L1CAM: variants seen among roughly 807,000 people sequenced by gnomAD.
L1CAM encodes L1 cell adhesion molecule, also known as neural cell adhesion molecule L1.
In L1CAM, 8 loss-of-function variants were observed where a neutral mutation model predicts 93.0. The observed-to-expected ratio is 0.09, with a 90% CI of 0.05 to 0.16. The LOEUF (loss-of-function observed/expected upper bound fraction) is 0.16, where lower values mean the gene tolerates loss of function less well. Ranked by LOEUF, L1CAM falls within the 10% of genes least tolerant of loss-of-function variation. The pLI, the probability that L1CAM is intolerant of heterozygous loss-of-function variation, is 1.00. For missense variants in L1CAM, 777 were observed against 1,073.4 expected (o/e 0.72, Z 3.86); for synonymous variants, 453 against 453.0 (o/e 1.00, Z 0.00).
At chrX:153,863,679 C>A in intron 26 of L1CAM, 130 bp from the exon 27 acceptor site, 3 of 824,845 alleles carry the variant, frequency 3.6e-6, no homozygotes, top group Non-Finnish European at 5.3e-6. Context: ...TGAAAGAAAC[C>A]GCTCACCCCC....
chrX:153,870,640 C>A, intron 7 of L1CAM, 141 bp from the exon 8 acceptor site: 1 of 791,164 alleles, frequency 1.3e-6, no homozygotes, highest in Non-Finnish European at 1.9e-6. Context: ...TCTCTGCTCT[C>A]GACGCCTGGG....
At chrX:153,876,954 G>A (rs889081965) in intron 1 of L1CAM, among the ~76,000 whole-genome samples, 16 of 110,711 alleles carry the variant, frequency 1.4e-4, no homozygotes, top group African/African-American at 1.3e-4. Flanking sequence ...AGCCAAGATC[G>A]TGCCACTGCC....
rs1557096335 is a variant in L1CAM, at chrX:153,883,993, G to T, written c.-109+2072C>A. The T allele has an allele frequency of 1.5e-5, 5 of 343,904 alleles. No homozygotes were observed. In the Middle Eastern group the frequency reaches 1.7e-3, roughly 120 times the overall value. The allele number at this position is 343,904 out of a possible 1,213,427, so 28.3% of individuals were successfully genotyped here. On this transcript the variant is annotated intron_variant, in intron 1 of 28. Coordinates refer to ENST00000370060, the MANE Select transcript of L1CAM (RefSeq NM_001278116.2). ...CAGCTGTAGTTCCAGTGGTGGAAAG[G>T]GCTCGGACCTGGGAGAGGCCGATTG...
chrX:153,883,681 C>T (rs1557096190), intron 1 of L1CAM: 3 of 316,444 alleles, frequency 9.5e-6, no homozygotes, highest in Non-Finnish European at 1.9e-5. Flanking sequence ...AGGCAGGGCC[C>T]CCACTCATGC....
chrX:153,868,278 C>T, intron 14 of L1CAM, 24 bp downstream of exon 14: 1 of 1,211,404 alleles, frequency 8.3e-7, no homozygotes, highest in Non-Finnish European at 1.1e-6. Flanking sequence ...CCACTCTGCC[C>T]CCTTTCACCG....
rs372309104 is a variant in L1CAM, at chrX:153,873,310, G to A, written c.77-68C>T. 1.6e-4 allele frequency: 171 copies of A among 1,068,454 alleles called. No homozygotes were observed. The African/African-American group carries it at 2.5e-3, about 16-fold the overall frequency. The allele number at this position is 1,068,454 out of a possible 1,213,427, so 88.1% of individuals were successfully genotyped here. On this transcript the variant is annotated intron_variant, in intron 2 of 28. Transcript: ENST00000370060. ...ATACTGACAGGCAGCCCCAGAGTGGGGCAGATGGCAGGGGACATAGTAAGC... is the reference window on the plus strand; with the variant it reads ...ATACTGACAGGCAGCCCCAGAGTGGAGCAGATGGCAGGGGACATAGTAAGC...
intron 2 of L1CAM, among the ~76,000 whole-genome samples, chrX:153,874,270 A>G (rs2064796773): frequency 8.8e-6 from 1 of 113,081 alleles, no homozygotes; most frequent in African/African-American, 3.2e-5. Flanking sequence ...TGGAGCTGCC[A>G]TGGCCTTTTG....
rs150098621 is a variant in L1CAM, at chrX:153,862,460, C to G, written c.*203G>C. The stretch of plus-strand genomic sequence containing the variant: ...CAAAGGCCCCTGGCATGTGGGAGAT[C>G]TGCCCAAGCTGGGGCAGAGCAGCGT... On this transcript the variant is annotated 3_prime_UTR_variant, in exon 29 of 29. Coordinates refer to ENST00000370060, the MANE Select transcript of L1CAM (RefSeq NM_001278116.2). 2,093 of 382,774 alleles carry G rather than the reference C, an allele frequency of 5.5e-3. 43 individuals carry two copies. The highest frequency in any genetic ancestry group is 0.046 in the African/African-American group (1,826 of 39,696). The allele number at this position is 382,774 out of a possible 1,213,427, so 31.5% of individuals were successfully genotyped here. A position where few individuals can be genotyped will look rare whatever the true frequency, so the allele number is the denominator to read the frequency against.
intron 5 of L1CAM, among the ~76,000 whole-genome samples, chrX:153,871,872 C>T (rs1217134900): frequency 2.9e-5 from 3 of 104,921 alleles, no homozygotes; most frequent in Non-Finnish European, 4.0e-5. Context: ...CCCCCCCCTC[C>T]CCCCGCCACC....
In L1CAM at chrX:153,865,719, G is replaced by A. The variant is rs2148494352; in HGVS notation, c.2532C>T (p.His844=). 8.3e-7 allele frequency: 1 copy of A among 1,204,638 alleles called. No homozygotes were observed. The highest frequency in any genetic ancestry group is 1.7e-5 in the African/African-American group (1 of 57,692). The change falls in exon 20 of 29, where the codon CAC becomes CAT. Residue 844 remains histidine, a synonymous_variant. Transcript: ENST00000370060. The part of the protein sequence containing the change: ...RPVDLAQVKG[H]LRGYNVTYWR... ...CAACCCTTACATTGTATCCGCGGAG[G>A]TGGCCCTTGACCTGGGCCAGGTCCA...
chrX:153,862,560 C>G lies in L1CAM; in HGVS notation c.*103G>C, dbSNP rs1249912630. The G allele has an allele frequency of 3.1e-6, 2 of 635,428 alleles. No homozygotes were observed. Among genetic ancestry groups the G allele is most frequent in the Non-Finnish European group, 4.8e-6 (2 of 416,323 alleles). The allele number at this position is 635,428 out of a possible 1,213,427, so 52.4% of individuals were successfully genotyped here. A position where few individuals can be genotyped will look rare whatever the true frequency, so the allele number is the denominator to read the frequency against. On this transcript the variant is annotated 3_prime_UTR_variant, in exon 29 of 29. Coordinates refer to ENST00000370060, the MANE Select transcript of L1CAM (RefSeq NM_001278116.2). ...GTGGTAGGAAGGGGATCCGAGGCAG[C>G]AAGTTCTCCTCTGCCCCAACTCCAG... is the stretch of plus-strand genomic sequence containing the variant.
At chrX:153,883,662 G>T (rs193118116) in intron 1 of L1CAM, 58 of 306,359 alleles carry the variant, frequency 1.9e-4, no homozygotes, top group African/African-American at 1.5e-3. Flanking sequence ...TCTGAACCAC[G>T]AGGGAGGGAG....
rs1211679036 is a variant in L1CAM, at chrX:153,872,879, G to A, written c.92-182C>T. The A allele has an allele frequency of 1.9e-5, 9 of 467,233 alleles. No individual in the cohort carries two copies. In the African/African-American group the frequency reaches 2.2e-4, roughly 11 times the overall value. The allele number at this position is 467,233 out of a possible 1,213,427, so 38.5% of individuals were successfully genotyped here. A position where few individuals can be genotyped will look rare whatever the true frequency, so the allele number is the denominator to read the frequency against. Reference sequence around the variant, plus strand: ...GGGACATGAAAAGAGGGAGAGAGGGGACAGCCACGTAAGTTACAAAGAGAT... The same window carrying A: ...GGGACATGAAAAGAGGGAGAGAGGGAACAGCCACGTAAGTTACAAAGAGAT... On this transcript the variant is annotated intron_variant, in intron 3 of 28. Coordinates refer to ENST00000370060, the MANE Select transcript of L1CAM (RefSeq NM_001278116.2).
At chrX:153,866,486 T>C (rs140733180) in intron 19 of L1CAM, among the ~76,000 whole-genome samples, 163 bp downstream of exon 19, 2 of 111,808 alleles carry the variant, frequency 1.8e-5, no homozygotes, top group East Asian at 5.6e-4. Context: ...CTGCCAATTA[T>C]AGAAATGTGA....
In L1CAM at chrX:153,870,239, G is replaced by T; in HGVS notation, c.808C>A (p.Pro270Thr). Reference sequence around the variant, plus strand: ...CGCAGCCATTTGATGGTGGGCGTGGGACTGCCCGGGAGGCAAAGGGAAGAG... The same window carrying T: ...CGCAGCCATTTGATGGTGGGCGTGGTACTGCCCGGGAGGCAAAGGGAAGAG... ...LVLECIAEGF[P>T]TPTIKWLRPS... Residue 270 changes from proline (P) to threonine (T), a missense_variant and splice_region_variant, in exon 9 of 29, where the codon CCC (proline) becomes ACC (threonine). Transcript: ENST00000370060. 1 of 1,209,905 alleles carries T rather than the reference G, an allele frequency of 8.3e-7. No individual in the cohort carries two copies.
At position 153,866,934 on chromosome X, in the gene L1CAM, C is replaced by A. The variant is rs1207906285; in HGVS notation, c.2209-63G>T. On this transcript the variant is annotated intron_variant, in intron 18 of 28. Coordinates refer to ENST00000370060, the MANE Select transcript of L1CAM (RefSeq NM_001278116.2). The stretch of plus-strand genomic sequence containing the variant: ...GAACACCAGCATTCTTTGGCCCGCC[C>A]CCCAGCACAAACCAGCATCCCCAGA... The A allele has an allele frequency of 2.6e-6, 3 of 1,139,778 alleles. No individual in the cohort carries two copies. The African/African-American group carries it at 5.4e-5, about 20-fold the overall frequency. 93.9% of individuals were successfully genotyped at this position (1,139,778 alleles called of 1,213,427 possible). A position where few individuals can be genotyped will look rare whatever the true frequency, so the allele number is the denominator to read the frequency against.
At chrX:153,872,471 G>T in intron 4 of L1CAM, 117 bp from the exon 5 acceptor site, 1 of 935,892 alleles carries the variant, frequency 1.1e-6, no homozygotes, top group Middle Eastern at 2.9e-4. Flanking sequence ...GGGAGATGGC[G>T]AGGACTTGGG....
chrX:153,877,937 G>A (rs1557095014), intron 1 of L1CAM, among the ~76,000 whole-genome samples: 2 of 112,254 alleles, frequency 1.8e-5, no homozygotes, highest in Non-Finnish European at 3.8e-5. Context: ...AAGCCACACC[G>A]GCCATGTCCA....
chrX:153,871,467 G>T (rs1254418765), intron 5 of L1CAM, among the ~76,000 whole-genome samples: 3 of 110,293 alleles, frequency 2.7e-5, no homozygotes, highest in African/African-American at 9.9e-5. Context: ...AGGAAAGGAC[G>T]GGTGGGGGGA....
Sources: gnomAD v4.1 joint callset for allele counts (sites outside exome capture counted in the v4.1 genomes callset) on GRCh38, gnomAD v4.1.1 for gene constraint, MANE v1.5 for transcripts, NCBI Gene and HGNC (gene_info 2026-07-23, HGNC 2026-07-21) for gene names.